Variants in RALGAPB observed in about 807,000 individuals in gnomAD.
RALGAPB encodes ral GTPase-activating protein subunit beta.
RALGAPB carries 25 observed loss-of-function variants against 161.1 expected under a neutral mutation model. The ratio of observed to expected loss-of-function variants is 0.16; its 90% CI spans 0.11 to 0.22. The LOEUF (loss-of-function observed/expected upper bound fraction) is 0.22. Ranked by LOEUF, RALGAPB falls within the 10% of genes least tolerant of loss-of-function variation. The pLI is 1.00. For missense variants in RALGAPB, 1,391 were observed against 1,815.2 expected, an observed-to-expected ratio of 0.77 and a Z score of 4.25; for synonymous variants, 629 against 626.1, an observed-to-expected ratio of 1.00 and a Z score of -0.07.
intron 22 of RALGAPB, among the ~76,000 whole-genome samples, chr20:38,555,539 A>G (rs2087555670): frequency 6.6e-6 from 1 of 152,230 alleles, no homozygotes; most frequent in African/African-American, 2.4e-5. Context: ...GCAAATCATT[A>G]GTGATATTCC....
intron 6 of RALGAPB, among the ~76,000 whole-genome samples, chr20:38,511,042 T>C (rs118161577): frequency 0.028 from 4,234 of 152,264 alleles, 74 homozygotes; most frequent in Admixed American, 0.044. Flanking sequence ...GGCCTCAGTG[T>C]TATAAGCAGG....
intron 24 of RALGAPB, 116 bp downstream of exon 24, chr20:38,562,813 C>A: frequency 8.5e-7 from 1 of 1,172,832 alleles, no homozygotes; most frequent in Non-Finnish European, 1.2e-6. Flanking sequence ...AGGCTGGGTA[C>A]AGTGGCGCAT....
chr20:38,555,434 A>G (rs922259872), intron 22 of RALGAPB, among the ~76,000 whole-genome samples: 1 of 152,228 alleles, frequency 6.6e-6, no homozygotes, highest in Non-Finnish European at 1.5e-5. Context: ...GCATATGAAC[A>G]TAAAAACTTA....
chr20:38,534,313 TGTTA>T (rs2086742024), intron 15 of RALGAPB: 1 of 152,662 alleles, frequency 6.6e-6, no homozygotes, highest in African/African-American at 2.4e-5. Context: ...TCCTGATTTG[TGTTA>T]GTGTCGCATG....
At chr20:38,484,144 C>T (rs921647331) in intron 1 of RALGAPB, among the ~76,000 whole-genome samples, 1 of 152,132 alleles carries the variant, frequency 6.6e-6, no homozygotes, top group Non-Finnish European at 1.5e-5. Context: ...CGCTATTGCA[C>T]TCCAGCCTGG....
rs776578737 is a variant in RALGAPB at position 38,574,214 on chromosome 20, C to T, written c.4207C>T (p.Arg1403Trp). ...CCACCCTTTAAACACTGGATTATTC[C>T]GGATAAAAATTCAAGGAGCCACTGG... ...FIHPLNTGLF[R>W]IKIQGATGKF... The change falls in exon 29 of 30, where the codon CGG becomes TGG. Residue 1403 changes from arginine (R) to tryptophan (W), a missense_variant. Arg to Trp is a moderately radical substitution (Grantham distance 101). Around this residue, in one of 3 missense-constraint regions of RALGAPB, gnomAD observed 436 missense variants for 527.0 expected, o/e 0.83. Coordinates refer to ENST00000262879, the MANE Select transcript of RALGAPB (RefSeq NM_020336.4). 22 of 1,613,430 alleles carry T rather than the reference C, an allele frequency of 1.4e-5. No individual in the cohort carries two copies. Among genetic ancestry groups the T allele is most frequent in the East Asian group, 6.7e-5 (3 of 44,862 alleles).
intron 16 of RALGAPB, among the ~76,000 whole-genome samples, chr20:38,539,167 CTTTA>C (rs1484876152): frequency 2.0e-5 from 3 of 152,182 alleles, no homozygotes; most frequent in Admixed American, 6.5e-5. Flanking sequence ...CTTTATATGA[CTTTA>C]TTTATTTAAA....
chr20:38,542,237 T>G (rs1255935692), intron 18 of RALGAPB, among the ~76,000 whole-genome samples: 1 of 152,150 alleles, frequency 6.6e-6, no homozygotes, highest in Non-Finnish European at 1.5e-5. Context: ...TTGGTCTTAG[T>G]AAAGTAGCAG....
rs780984052 is a variant in RALGAPB at position 38,551,187 on chromosome 20, C to T, written c.3126C>T (p.Leu1042=). ...VDKIPFVKAD[L]SIPDLHEIVT... is the part of the protein sequence containing the mutation. ...AGATTCCTTTTGTGAAAGCAGATCT[C>T]AGCATTCCAGATTTGCATGAAATAG... The change falls in exon 21 of 30, where the codon CTC becomes CTT. Residue 1042 remains leucine (L), a synonymous_variant. Transcript: ENST00000262879. 2 of 1,613,936 alleles carry T rather than the reference C, an allele frequency of 1.2e-6. No individual in the cohort carries two copies. Among genetic ancestry groups the T allele is most frequent in the South Asian group, 1.1e-5 (1 of 91,062 alleles).
rs2086996008 is a variant in RALGAPB, at chr20:38,542,266, TC to T, written c.2714+1075del. On this transcript the variant is annotated intron_variant, in intron 18 of 29. Coordinates refer to ENST00000262879, the MANE Select transcript of RALGAPB (RefSeq NM_020336.4). ...GTAGCAGGCAAAACCGCTTGAAAATTCGTGTGTAAGTCAGCCCTTACCAAGA... is the reference window on the plus strand; with the variant it reads ...GTAGCAGGCAAAACCGCTTGAAAATTGTGTGTAAGTCAGCCCTTACCAAGA... 4.6e-5 allele frequency among the ~76,000 whole-genome samples: 7 copies of T among 152,246 alleles called. No individual in the cohort carries two copies. The South Asian group carries it at 1.4e-3, about 32-fold the overall frequency.
rs978228493 is a variant in RALGAPB, at chr20:38,476,690, T to G, written c.-31+3621T>G. On this transcript the variant is annotated intron_variant, in intron 1 of 29. Coordinates refer to ENST00000262879, the MANE Select transcript of RALGAPB (RefSeq NM_020336.4). ...AGTTGAGAAGATCGTAAGCCAAAAA[T>G]GCATTTAATATACCTACTGAACAGA... is the stretch of plus-strand genomic sequence containing the variant. 1.6e-4 allele frequency among the ~76,000 whole-genome samples: 24 copies of G among 152,212 alleles called. 1 individual carries two copies. Among genetic ancestry groups the G allele is most frequent in the African/African-American group, 5.8e-4 (24 of 41,458 alleles).
At position 38,546,304 on chromosome 20, in the gene RALGAPB, G is replaced by C; in HGVS notation, c.2776G>C (p.Val926Leu). The C allele has an allele frequency of 6.2e-7, 1 of 1,614,112 alleles. No homozygotes were observed. Among genetic ancestry groups the C allele is most frequent in the Non-Finnish European group, 8.5e-7 (1 of 1,179,992 alleles). ...PSGPASPCSL[V>L]NETTLIKYSR... ...TGGTCCTGCCTCTCCTTGTAGTCTT[G>C]TGAATGAGACCACTTTGATTAAATA... The change falls in exon 19 of 30, where the codon GTG (valine) becomes CTG (leucine). Residue 926 changes from valine to leucine, a missense_variant. By Grantham distance (32) the Val-to-Leu change is conservative. Transcript: ENST00000262879.
chr20:38,550,936 T>A (rs1254188640), intron 20 of RALGAPB, 135 bp from the exon 21 acceptor site: 6 of 966,742 alleles, frequency 6.2e-6, no homozygotes, highest in Non-Finnish European at 9.3e-6. Context: ...TCTGTAGCAT[T>A]TGCAGGTTCT....
At chr20:38,514,842 G>A (rs1306392175) in intron 6 of RALGAPB, among the ~76,000 whole-genome samples, 3 of 152,190 alleles carry the variant, frequency 2.0e-5, no homozygotes, top group South Asian at 2.1e-4. Flanking sequence ...TCAGGTACAC[G>A]GGGCATTGGG....
chr20:38,575,139 A>G lies in RALGAPB; in HGVS notation c.*172A>G, dbSNP rs560314817. ...CCCATTTGATAGAAGACTTTGGGCT[A>G]TCTAGTGAAATGGGCTCCCAGACAC... On this transcript the variant is annotated 3_prime_UTR_variant, in exon 30 of 30. Transcript: ENST00000262879. 1 of 599,470 alleles carries G rather than the reference A, an allele frequency of 1.7e-6. No individual in the cohort carries two copies. Among genetic ancestry groups the G allele is most frequent in the Non-Finnish European group, 2.9e-6 (1 of 345,046 alleles). The allele number at this position is 599,470 out of a possible 1,614,324, so 37.1% of individuals were successfully genotyped here.
chr20:38,509,185 G>T lies in RALGAPB; in HGVS notation c.849G>T (p.Trp283Cys). 6.2e-7 allele frequency: 1 copy of T among 1,613,782 alleles called. No individual in the cohort carries two copies. Among genetic ancestry groups the T allele is most frequent in the Non-Finnish European group, 8.5e-7 (1 of 1,179,726 alleles). The change falls in exon 6 of 30, where the codon TGG (tryptophan) becomes TGT (cysteine). Residue 283 changes from tryptophan to cysteine, a missense_variant. Physicochemically the swap from Trp to Cys is radical, Grantham distance 215. Coordinates refer to ENST00000262879, the MANE Select transcript of RALGAPB (RefSeq NM_020336.4). ...EMDNECVAQTWFRFLHMLSNP... is the reference protein window; with the variant it reads ...EMDNECVAQTCFRFLHMLSNP... ...ATAATGAGTGTGTTGCACAGACATGGTTTCGCTTTTTACACATGTTAAGGT... is the reference window on the plus strand; with the variant it reads ...ATAATGAGTGTGTTGCACAGACATGTTTTCGCTTTTTACACATGTTAAGGT...
chr20:38,542,467 A>G (rs181371745), intron 18 of RALGAPB, among the ~76,000 whole-genome samples: 1 of 152,166 alleles, frequency 6.6e-6, no homozygotes, highest in Admixed American at 6.5e-5. Context: ...GACTTGATGG[A>G]GGTTTGGCTA....
intron 5 of RALGAPB, among the ~76,000 whole-genome samples, chr20:38,507,303 A>C (rs2085790927): frequency 6.6e-6 from 1 of 152,124 alleles, no homozygotes; most frequent in African/African-American, 2.4e-5. Flanking sequence ...TCATATTTTT[A>C]ATGGTTTTGT....
chr20:38,510,197 G>T (rs1409247671), intron 6 of RALGAPB, among the ~76,000 whole-genome samples: 1 of 151,582 alleles, frequency 6.6e-6, no homozygotes, highest in Admixed American at 6.6e-5. Context: ...TTGCAGAGAT[G>T]GGGTCTTCCT....
Sources: allele counts gnomAD v4.1 joint callset (sites outside exome capture counted in the v4.1 genomes callset), GRCh38; gene constraint gnomAD v4.1.1; regional missense constraint gnomAD v4.1.1; transcripts MANE v1.5; gene names NCBI Gene and HGNC (gene_info 2026-07-23, HGNC 2026-07-21).